Variants in ADD1 observed in about 807,000 individuals in gnomAD.
ADD1 encodes the protein adducin 1, also known as alpha-adducin.
ADD1 carries 24 observed loss-of-function variants against 80.5 expected under a neutral mutation model. The ratio of observed to expected loss-of-function variants is 0.30; its 90% CI spans 0.22 to 0.42. ADD1 has a LOEUF of 0.42. Ranked by LOEUF, ADD1 falls within the 10% of genes least tolerant of loss-of-function variation. The pLI is 1.00. For missense variants in ADD1, 948 were observed against 1,019.0 expected (o/e 0.93, Z 0.95); for synonymous variants, 373 against 393.8 (o/e 0.95, Z 0.63).
At chr4:2,890,547 C>T (rs1734135583) in intron 4 of ADD1, among the ~76,000 whole-genome samples, 1 of 152,084 alleles carries the variant, frequency 6.6e-6, no homozygotes, top group Non-Finnish European at 1.5e-5. Context: ...GCTGGGAGTA[C>T]AGTCGCCCGC....
At chr4:2,865,490 G>A (rs1729416813) in intron 1 of ADD1, among the ~76,000 whole-genome samples, 1 of 152,208 alleles carries the variant, frequency 6.6e-6, no homozygotes, top group Non-Finnish European at 1.5e-5. Flanking sequence ...CCATTGTGGT[G>A]TTCTCAGTTT....
chr4:2,888,922 C>CAT (rs974022275), intron 4 of ADD1, among the ~76,000 whole-genome samples: 1 of 151,550 alleles, frequency 6.6e-6, no homozygotes, highest in Non-Finnish European at 1.5e-5. Context: ...GAAATATGTA[C>CAT]ATATATATAT....
At chr4:2,891,963 T>C (rs1304715550) in intron 4 of ADD1, among the ~76,000 whole-genome samples, 2 of 152,202 alleles carry the variant, frequency 1.3e-5, no homozygotes, top group Non-Finnish European at 2.9e-5. Context: ...GAAAACAGAT[T>C]TCTTCTCAGT....
chr4:2,926,666 T>C lies in ADD1; in HGVS notation c.2047+554T>C, dbSNP rs1475772813. The stretch of plus-strand genomic sequence containing the variant: ...GGAGACGGATGCGCTAGAGAGTACC[T>C]GTTACCCTAGTAAGTACCGTGCTGC... On this transcript the variant is annotated intron_variant, in intron 15 of 15. Transcript: ENST00000683351. The surrounding 1 kb of genome is among the most constrained non-coding windows in gnomAD (Gnocchi z 5.0). The C allele has an allele frequency of 3.1e-6, 5 of 1,614,016 alleles. No individual in the cohort carries two copies. In the East Asian group the frequency reaches 8.9e-5, roughly 29 times the overall value.
At chr4:2,875,579 G>A (rs369008158) in intron 1 of ADD1, among the ~76,000 whole-genome samples, 5 of 152,222 alleles carry the variant, frequency 3.3e-5, no homozygotes, top group Admixed American at 1.3e-4. Context: ...AAAGAATCAC[G>A]TGGTCAAAAG....
Position 2,928,217 on chromosome 4 carries a change from C to T in ADD1, c.2094C>T (p.Thr698=), listed in dbSNP as rs758911932. Residue 698 remains threonine (T), a synonymous_variant, in exon 16 of 16, where the codon ACC becomes ACT. Coordinates refer to ENST00000683351, the MANE Select transcript of ADD1 (RefSeq NM_001354761.2). ...PTTGDDSDAA[T]FKPTLPDLSP... ...CTGGAGATGACAGTGATGCTGCCAC[C>T]TTTAAGCCAACTCTCCCCGATCTGT... is the stretch of plus-strand genomic sequence containing the variant. 7 of 1,614,028 alleles carry T rather than the reference C, an allele frequency of 4.3e-6. No homozygotes were observed. The Admixed American group carries it at 8.3e-5, about 19-fold the overall frequency.
intron 1 of ADD1, among the ~76,000 whole-genome samples, chr4:2,853,895 C>T (rs563466650): frequency 2.0e-5 from 3 of 152,248 alleles, no homozygotes; most frequent in East Asian, 3.9e-4. Flanking sequence ...TGAGCGACCG[C>T]GTCTGGCCGT....
intron 3 of ADD1, among the ~76,000 whole-genome samples, chr4:2,882,322 A>T (rs59150074): frequency 1.3e-5 from 2 of 152,062 alleles, no homozygotes; most frequent in African/African-American, 4.8e-5. Flanking sequence ...CCCAGCCCCT[A>T]TGTAGATTAA....
intron 4 of ADD1, 26 bp from the exon 5 acceptor site, chr4:2,893,987 A>G: frequency 1.9e-6 from 3 of 1,597,456 alleles, no homozygotes; most frequent in Non-Finnish European, 2.6e-6. Context: ...TGGATCTTTG[A>G]GCTAATTCAG....
chr4:2,911,653 G>A lies in ADD1; in HGVS notation c.1791+2222G>A, dbSNP rs533027550. Among the ~76,000 whole-genome samples, 8 of 151,792 alleles carry A rather than the reference G, an allele frequency of 5.3e-5. No homozygotes were observed. In the East Asian group the frequency reaches 5.8e-4, roughly 11 times the overall value. Reference sequence around the variant, plus strand: ...TATTTTTTTGTAGAGACTGGGTTCCGCCACGTTGCCCAGGCTGGTCTCAAA... The same window carrying A: ...TATTTTTTTGTAGAGACTGGGTTCCACCACGTTGCCCAGGCTGGTCTCAAA... On this transcript the variant is annotated intron_variant, in intron 13 of 15. Transcript: ENST00000683351.
chr4:2,877,613 G>A (rs1219228092), intron 2 of ADD1, among the ~76,000 whole-genome samples: 1 of 152,000 alleles, frequency 6.6e-6, no homozygotes, highest in Non-Finnish European at 1.5e-5. Context: ...GGTCAGAAAG[G>A]CTGTTCTCAG....
chr4:2,903,786 C>T (rs1258675601), intron 9 of ADD1, among the ~76,000 whole-genome samples: 1 of 152,218 alleles, frequency 6.6e-6, no homozygotes, highest in South Asian at 2.1e-4. Flanking sequence ...CCAAGTGTGG[C>T]CAGGAGAGAT....
Position 2,899,675 on chromosome 4 carries a change from G to T in ADD1, c.1161+240G>T, listed in dbSNP as rs1735853467. On this transcript the variant is annotated intron_variant, in intron 9 of 15. Coordinates refer to ENST00000683351, the MANE Select transcript of ADD1 (RefSeq NM_001354761.2). The stretch of plus-strand genomic sequence containing the variant: ...ATAACCTTGTGTTTGGACTCAGTGG[G>T]GACAAGAGCACAGAGAATGCGTAGG... 10 of 529,096 alleles carry T rather than the reference G, an allele frequency of 1.9e-5. No homozygotes were observed. In the South Asian group the frequency reaches 2.0e-4, roughly 10 times the overall value. The allele number at this position is 529,096 out of a possible 1,614,324, so 32.8% of individuals were successfully genotyped here.
At chr4:2,920,314 T>C (rs977025643) in intron 14 of ADD1, among the ~76,000 whole-genome samples, 4 of 152,182 alleles carry the variant, frequency 2.6e-5, no homozygotes, top group Non-Finnish European at 5.9e-5. Context: ...ATTCTGTTGA[T>C]TTGGGGTGGA....
At chr4:2,891,937 G>A (rs1734365813) in intron 4 of ADD1, among the ~76,000 whole-genome samples, 1 of 152,174 alleles carries the variant, frequency 6.6e-6, no homozygotes, top group Admixed American at 6.5e-5. Flanking sequence ...ACTAGAGGCA[G>A]TGGTGACAAA....
chr4:2,913,932 G>A (rs575107544), intron 13 of ADD1, among the ~76,000 whole-genome samples: 152 of 152,064 alleles, frequency 1.0e-3, no homozygotes, highest in African/African-American at 3.4e-3. Context: ...GGTGGCGGGC[G>A]CCTGTAGTCC....
chr4:2,875,487 A>G (rs1731132180), intron 1 of ADD1, among the ~76,000 whole-genome samples: 1 of 152,184 alleles, frequency 6.6e-6, no homozygotes, highest in Admixed American at 6.5e-5. Flanking sequence ...TTATGGGAAA[A>G]AAAATCAGAA....
intron 1 of ADD1, among the ~76,000 whole-genome samples, chr4:2,871,091 C>G (rs2108868651): frequency 6.6e-6 from 1 of 151,942 alleles, no homozygotes; most frequent in Non-Finnish European, 1.5e-5. Context: ...GTCTCAGCCT[C>G]CCGAGTAGCT....
chr4:2,867,471 G>A (rs953395661), intron 1 of ADD1, among the ~76,000 whole-genome samples: 7 of 152,162 alleles, frequency 4.6e-5, no homozygotes, highest in African/African-American at 1.4e-4. Context: ...TAAGAGTGCG[G>A]TCTCCAAACC....
Sources: gnomAD v4.1 joint callset for allele counts (sites outside exome capture counted in the v4.1 genomes callset) on GRCh38, gnomAD v4.1.1 for gene constraint, Gnocchi (gnomAD v3.1) non-coding constraint, MANE v1.5 for transcripts, NCBI Gene and HGNC (gene_info 2026-07-23, HGNC 2026-07-21) for gene names.